The following MTHFD2L variants were observed in gnomAD, a reference collection of about 807,000 sequenced individuals.
The protein encoded by MTHFD2L is bifunctional methylenetetrahydrofolate dehydrogenase/cyclohydrolase 2, mitochondrial.
In MTHFD2L, 29 loss-of-function variants were observed where a neutral mutation model predicts 34.9. That is an observed-to-expected ratio of 0.83 (90% confidence interval 0.62 to 1.13). The LOEUF (loss-of-function observed/expected upper bound fraction) is 1.13. MTHFD2L is among the 50% of genes most tolerant of loss of function. The probability of loss-of-function intolerance (pLI) is 0.00; values close to 1 mark genes in which losing one functional copy is unlikely to be tolerated. For synonymous variants in MTHFD2L, 167 were observed against 155.7 expected (o/e 1.07, Z -0.54); for missense variants, 481 against 446.5 (o/e 1.08, Z -0.70).
intron 6 of MTHFD2L, among the ~76,000 whole-genome samples, chr4:74,253,562 C>T (rs1743601353): frequency 6.6e-6 from 1 of 152,142 alleles, no homozygotes; most frequent in Non-Finnish European, 1.5e-5. Flanking sequence ...AGTGAGCCCT[C>T]AACTTCACTG....
chr4:74,264,135 G>C (rs1484899810), intron 6 of MTHFD2L, among the ~76,000 whole-genome samples: 1 of 151,914 alleles, frequency 6.6e-6, no homozygotes, highest in Non-Finnish European at 1.5e-5. Context: ...TTCCCCCTAA[G>C]ATCAGGAATA....
chr4:74,237,982 T>A (rs1292419509), intron 6 of MTHFD2L, among the ~76,000 whole-genome samples: 1 of 152,158 alleles, frequency 6.6e-6, no homozygotes, highest in African/African-American at 2.4e-5. Context: ...CAGAGCATGG[T>A]GTTACTGAAT....
At chr4:74,284,501 TC>T (rs1344403293) in intron 7 of MTHFD2L, among the ~76,000 whole-genome samples, 1 of 152,100 alleles carries the variant, frequency 6.6e-6, no homozygotes, top group Non-Finnish European at 1.5e-5. Flanking sequence ...TCCGTTAATA[TC>T]CTTCGCCCAC....
intron 5 of MTHFD2L, among the ~76,000 whole-genome samples, chr4:74,203,377 A>G (rs1734770198): frequency 6.6e-6 from 1 of 152,008 alleles, no homozygotes; most frequent in South Asian, 2.1e-4. Context: ...ATTTGCCTTT[A>G]TGTAATAATT....
chr4:74,157,382 T>C (rs192947027), upstream of MTHFD2L: 3 of 294,892 alleles, frequency 1.0e-5, no homozygotes, highest in African/African-American at 6.7e-5. Context: ...GTTTTTTGTG[T>C]GTCTGTCTTA....
intron 6 of MTHFD2L, among the ~76,000 whole-genome samples, chr4:74,261,011 G>GA (rs565163486): frequency 1.2e-4 from 17 of 138,288 alleles, no homozygotes; most frequent in East Asian, 6.3e-4. Flanking sequence ...AAAATAAATA[G>GA]AAAAAAATAT....
intron 1 of MTHFD2L, among the ~76,000 whole-genome samples, chr4:74,129,562 T>A (rs934600659): frequency 4.6e-5 from 7 of 152,012 alleles, no homozygotes; most frequent in African/African-American, 1.7e-4. Context: ...CATACCAGAA[T>A]CTCTGGGACA....
intron 4 of MTHFD2L, among the ~76,000 whole-genome samples, chr4:74,200,898 C>T (rs1323412726): frequency 1.3e-5 from 2 of 152,108 alleles, no homozygotes; most frequent in Non-Finnish European, 2.9e-5. Context: ...TCCAGCGTTG[C>T]TCAAAATTTG....
At chr4:74,128,138 T>C (rs2109794616) in intron 1 of MTHFD2L, among the ~76,000 whole-genome samples, 1 of 152,246 alleles carries the variant, frequency 6.6e-6, no homozygotes, top group Admixed American at 6.5e-5. Flanking sequence ...CCTTATATAT[T>C]CTTGTTACTA....
chr4:74,175,449 CAA>C, intron 3 of MTHFD2L, 46 bp downstream of exon 3: 2 of 1,560,356 alleles, frequency 1.3e-6, no homozygotes, highest in Non-Finnish European at 1.7e-6. Context: ...AAAAGTGAAA[CAA>C]AGGGCATCTT....
chr4:74,189,097 G>A (rs1343564845), intron 3 of MTHFD2L, among the ~76,000 whole-genome samples: 1 of 151,972 alleles, frequency 6.6e-6, no homozygotes, highest in South Asian at 2.1e-4. Context: ...AGATCAAGGC[G>A]ATAACTTTTG....
chr4:74,222,954 G>T (rs570057095), intron 5 of MTHFD2L, among the ~76,000 whole-genome samples: 6 of 152,012 alleles, frequency 3.9e-5, no homozygotes, highest in African/African-American at 1.4e-4. Flanking sequence ...CGAGGTTGCA[G>T]AGGAAAAAGA....
intron 7 of MTHFD2L, among the ~76,000 whole-genome samples, chr4:74,291,407 A>C (rs1462933932): frequency 6.6e-6 from 1 of 152,158 alleles, no homozygotes; most frequent in East Asian, 1.9e-4. Flanking sequence ...TTTAAAAACC[A>C]GTGGTATCAT....
chr4:74,267,298 T>A, intron 6 of MTHFD2L: 2 of 855,154 alleles, frequency 2.3e-6, no homozygotes, highest in Non-Finnish European at 2.7e-6. Context: ...TCTTTTCTTT[T>A]CTTTTCTTTT....
chr4:74,268,770 A>C (rs1189510412), intron 6 of MTHFD2L, among the ~76,000 whole-genome samples: 1 of 152,210 alleles, frequency 6.6e-6, no homozygotes, highest in African/African-American at 2.4e-5. Flanking sequence ...GAAAATATCC[A>C]GTTGCGGCTG....
At chr4:74,175,455 G>C in intron 3 of MTHFD2L, 52 bp downstream of exon 3, 1 of 1,547,954 alleles carries the variant, frequency 6.5e-7, no homozygotes, top group Non-Finnish European at 8.7e-7. Flanking sequence ...GAAACAAAGG[G>C]CATCTTTCAA....
At position 74,186,774 on chromosome 4, in the gene MTHFD2L, T is replaced by A. The variant is rs527462263; in HGVS notation, c.451+11371T>A. On this transcript the variant is annotated intron_variant, in intron 3 of 7. Transcript: ENST00000325278. ...AATTTTCCTCCAACTGATTTGTAGG[T>A]TCAAGGTGACCTTTGGTAAAAACTT... is the stretch of plus-strand genomic sequence containing the variant. 6.1e-4 allele frequency among the ~76,000 whole-genome samples: 92 copies of A among 152,040 alleles called. 3 individuals are homozygous for A. The highest frequency in any genetic ancestry group is 2.2e-4 in the Non-Finnish European group (15 of 67,976).
chr4:74,217,665 G>A (rs1265867295), intron 5 of MTHFD2L, among the ~76,000 whole-genome samples: 1 of 151,784 alleles, frequency 6.6e-6, no homozygotes, highest in African/African-American at 2.4e-5. Context: ...TCAGGATCAG[G>A]CAGATGTTTG....
At chr4:74,136,509 C>A (rs898507229) in intron 1 of MTHFD2L, among the ~76,000 whole-genome samples, 1 of 152,028 alleles carries the variant, frequency 6.6e-6, no homozygotes, top group African/African-American at 2.4e-5. Context: ...ATTCTCCGCT[C>A]ATGGATTGGA....
Sources: allele counts gnomAD v4.1 joint callset (sites outside exome capture counted in the v4.1 genomes callset), GRCh38; gene constraint gnomAD v4.1.1; transcripts MANE v1.5; gene names NCBI Gene and HGNC (gene_info 2026-07-23, HGNC 2026-07-21).